RCBTB2: variants seen among roughly 807,000 people sequenced by gnomAD.
RCBTB2 encodes the protein RCC1 and BTB domain containing protein 2.
A neutral mutation model predicts 65.4 loss-of-function variants in RCBTB2; 55 were observed. That is an observed-to-expected ratio of 0.84 (90% CI 0.68 to 1.05). The LOEUF (loss-of-function observed/expected upper bound fraction) is 1.05. Among genes scored for constraint, RCBTB2 ranks in the 50% least tolerant of loss-of-function variants. The probability of loss-of-function intolerance (pLI) is 0.00; values close to 1 mark genes in which losing one functional copy is unlikely to be tolerated. For missense variants in RCBTB2, 599 were observed against 680.1 expected (o/e 0.88, Z 1.33); for synonymous variants, 220 against 255.2 (o/e 0.86, Z 1.31).
chr13:48,508,366 C>T (rs968597681), intron 10 of RCBTB2, among the ~76,000 whole-genome samples: 2 of 151,914 alleles, frequency 1.3e-5, no homozygotes, highest in Admixed American at 6.6e-5. Flanking sequence ...AATTCAAGTA[C>T]GGAAAACAGA....
intron 4 of RCBTB2, among the ~76,000 whole-genome samples, chr13:48,520,851 G>GA (rs1385570705): frequency 6.6e-6 from 1 of 151,888 alleles, no homozygotes; most frequent in African/African-American, 2.4e-5. Flanking sequence ...AAAGAGTTAA[G>GA]AAAAAATGCC....
At chr13:48,513,270 T>C (rs574550943) in intron 6 of RCBTB2, among the ~76,000 whole-genome samples, 3 of 152,330 alleles carry the variant, frequency 2.0e-5, no homozygotes, top group East Asian at 3.9e-4. Flanking sequence ...AGTTGATTTT[T>C]AAAAATCTTT....
Position 48,524,775 on chromosome 13 carries a change from CAAAT to C in RCBTB2, c.-218-22_-218-19del, listed in dbSNP as rs1951615565. The C allele has an allele frequency of 1.3e-5, 2 of 152,018 alleles. No individual in the cohort carries two copies. The highest frequency in any genetic ancestry group is 2.4e-5 in the African/African-American group (1 of 41,396). 9.4% of individuals were successfully genotyped at this position (152,018 alleles called of 1,614,324 possible). ...TAATGTGACTGGAAATATAAATACACAAATAAATTCTATTAGAGAAAAACAGAAG... is the reference window on the plus strand; with the variant it reads ...TAATGTGACTGGAAATATAAATACACAAATTCTATTAGAGAAAAACAGAAG... On this transcript the variant is annotated intron_variant, in intron 1 of 14. Coordinates refer to ENST00000344532, the MANE Select transcript of RCBTB2 (RefSeq NM_001268.4).
rs1028505969 is a variant in RCBTB2, at chr13:48,515,241, A to G, written c.313T>C (p.Tyr105His). The change falls in exon 6 of 15, where the codon TAT (tyrosine) becomes CAT (histidine). Residue 105 changes from tyrosine to histidine, a missense_variant. Coordinates refer to ENST00000344532, the MANE Select transcript of RCBTB2 (RefSeq NM_001268.4). ...LNGKKIACLS[Y>H]GSGPHIVLAT... is the part of the protein sequence containing the mutation. ...AGGACAATATGTGGACCACTCCCATAGCTGAGGCAGGCTATTTTTTTGCCA... is the reference window on the plus strand; with the variant it reads ...AGGACAATATGTGGACCACTCCCATGGCTGAGGCAGGCTATTTTTTTGCCA... 7 of 1,614,066 alleles carry G rather than the reference A, an allele frequency of 4.3e-6. No individual in the cohort carries two copies. The highest frequency in any genetic ancestry group is 5.9e-6 in the Non-Finnish European group (7 of 1,180,022).
intron 13 of RCBTB2, among the ~76,000 whole-genome samples, chr13:48,499,177 CA>C (rs1950122379): frequency 6.6e-6 from 1 of 151,890 alleles, no homozygotes; most frequent in Non-Finnish European, 1.5e-5. Flanking sequence ...CTCACACACA[CA>C]CACACATCCA....
chr13:48,491,123 T>C (rs7324752), intron 14 of RCBTB2, among the ~76,000 whole-genome samples: 8,478 of 152,170 alleles, frequency 0.056, 803 homozygotes, highest in African/African-American at 0.19. Context: ...CAAGCTACTG[T>C]AGGTAATTTA....
chr13:48,522,589 G>C (rs773048320), intron 2 of RCBTB2, among the ~76,000 whole-genome samples, 186 bp from the exon 3 acceptor site: 2 of 152,132 alleles, frequency 1.3e-5, no homozygotes, highest in Non-Finnish European at 2.9e-5. Flanking sequence ...AAAAGTAACA[G>C]CAGGAGCAGC....
chr13:48,490,710 A>G (rs9332070), intron 14 of RCBTB2, among the ~76,000 whole-genome samples: 2,757 of 152,338 alleles, frequency 0.018, 74 homozygotes, highest in African/African-American at 0.059. Context: ...AGTAATGCCA[A>G]GAAATTGCTG....
chr13:48,511,931 G>C (rs1950821049), intron 8 of RCBTB2, 54 bp from the exon 9 acceptor site: 2 of 1,609,588 alleles, frequency 1.2e-6, no homozygotes, highest in Admixed American at 3.3e-5. Context: ...CCAGCAAGCT[G>C]TCTGTTATGT....
intron 9 of RCBTB2, 89 bp downstream of exon 9, chr13:48,511,681 C>A: frequency 8.7e-7 from 1 of 1,144,308 alleles, no homozygotes; most frequent in South Asian, 1.6e-5. Context: ...AACTTTTCAT[C>A]CTGCCAACAA....
chr13:48,493,276 C>CCT (rs150104825), intron 14 of RCBTB2, among the ~76,000 whole-genome samples: 9 of 127,702 alleles, frequency 7.0e-5, no homozygotes, highest in Admixed American at 4.5e-4. Flanking sequence ...TCTCTCTCAC[C>CCT]CTCTCTCTCT....
chr13:48,490,073 G>A lies in RCBTB2; in HGVS notation c.*38C>T. 6.2e-7 allele frequency: 1 copy of A among 1,610,662 alleles called. No individual in the cohort carries two copies. The highest frequency in any genetic ancestry group is 1.1e-5 in the South Asian group (1 of 90,866). On this transcript the variant is annotated 3_prime_UTR_variant, in exon 15 of 15. Coordinates refer to ENST00000344532, the MANE Select transcript of RCBTB2 (RefSeq NM_001268.4). ...GTGATTCATCTCTGGCTTTTGCAGGGGAAATGGAAAGGCTCAAAAACTTTC... is the reference window on the plus strand; with the variant it reads ...GTGATTCATCTCTGGCTTTTGCAGGAGAAATGGAAAGGCTCAAAAACTTTC...
intron 14 of RCBTB2, among the ~76,000 whole-genome samples, chr13:48,490,819 CA>C (rs1305898343): frequency 6.6e-6 from 1 of 152,196 alleles, no homozygotes; most frequent in Admixed American, 6.5e-5. Context: ...TCAATAATCT[CA>C]ACTGGGAAAA....
At chr13:48,522,898 G>A (rs985598641) in intron 2 of RCBTB2, among the ~76,000 whole-genome samples, 3 of 152,124 alleles carry the variant, frequency 2.0e-5, no homozygotes, top group Non-Finnish European at 4.4e-5. Flanking sequence ...AGTCTAAACA[G>A]TGTTCCTTAT....
intron 14 of RCBTB2, chr13:48,491,798 C>G (rs1333230422): frequency 6.6e-6 from 1 of 152,166 alleles, no homozygotes; most frequent in Non-Finnish European, 1.5e-5. Flanking sequence ...TGCTCCTTTA[C>G]TTTATTCTAG....
At chr13:48,530,584 C>A (rs1952058448) in intron 1 of RCBTB2, among the ~76,000 whole-genome samples, 1 of 152,204 alleles carries the variant, frequency 6.6e-6, no homozygotes, top group Non-Finnish European at 1.5e-5. Flanking sequence ...AGCTCCTCTC[C>A]TACACAGTTT....
At chr13:48,500,345 G>T (rs1950178415) in intron 12 of RCBTB2, among the ~76,000 whole-genome samples, 1 of 152,142 alleles carries the variant, frequency 6.6e-6, no homozygotes. Context: ...GGATCACGAG[G>T]TCAGGAGTTT....
upstream of RCBTB2, among the ~76,000 whole-genome samples, chr13:48,533,918 A>G (rs1215796599): frequency 6.6e-6 from 1 of 152,242 alleles, no homozygotes; most frequent in Non-Finnish European, 1.5e-5. Flanking sequence ...TGGTTCCTCT[A>G]CAGTGTAGAG....
upstream of RCBTB2, among the ~76,000 whole-genome samples, chr13:48,535,448 G>A (rs1156820584): frequency 5.3e-5 from 8 of 152,028 alleles, no homozygotes; most frequent in Non-Finnish European, 4.4e-5. Flanking sequence ...TAGAGATGGG[G>A]TTTCGCCATG....
Sources: gnomAD v4.1 joint callset for allele counts (sites outside exome capture counted in the v4.1 genomes callset) on GRCh38, gnomAD v4.1.1 for gene constraint, MANE v1.5 for transcripts, NCBI Gene and HGNC (gene_info 2026-07-23, HGNC 2026-07-21) for gene names.